The following KDM6B variants were observed in gnomAD, a reference collection of about 807,000 sequenced individuals.
The protein encoded by KDM6B is lysine demethylase 6B.
In KDM6B, 22 loss-of-function variants were observed where a neutral mutation model predicts 150.4. The observed-to-expected ratio is 0.15, with a 90% CI of 0.10 to 0.21. The LOEUF is 0.21. Among genes scored for constraint, KDM6B ranks in the 10% least tolerant of loss-of-function variants. The probability of loss-of-function intolerance (pLI) is 1.00; values close to 1 mark genes in which losing one functional copy is unlikely to be tolerated. For synonymous variants in KDM6B, 1,148 were observed against 921.1 expected, an observed-to-expected ratio of 1.25 and a Z score of -4.46; for missense variants, 1,984 against 2,234.3, an observed-to-expected ratio of 0.89 and a Z score of 2.26.
intron 1 of KDM6B, among the ~76,000 whole-genome samples, chr17:7,836,339 T>TC (rs1443186779): frequency 1.3e-5 from 2 of 152,208 alleles, no homozygotes; most frequent in East Asian, 3.8e-4. Flanking sequence ...TCTCCACTCG[T>TC]CCTTCTTCGC....
chr17:7,836,031 G>T (rs1299008755), intron 1 of KDM6B, among the ~76,000 whole-genome samples: 23 of 152,212 alleles, frequency 1.5e-4, no homozygotes, highest in Admixed American at 1.5e-3. Flanking sequence ...CCATCTGCTC[G>T]GCCGCTGCCT....
rs1490755437 is a variant in KDM6B at position 7,848,431 on chromosome 17, C to T, written c.2143C>T (p.His715Tyr). 2 of 1,613,122 alleles carry T rather than the reference C, an allele frequency of 1.2e-6. No individual in the cohort carries two copies. The highest frequency in any genetic ancestry group is 8.5e-7 in the Non-Finnish European group (1 of 1,180,010). ...SIRKEEEQQQ[H>Y]EAGVAPQPPL... ...TCGCAAGGAAGAGGAACAGCAACAA[C>T]ACGAAGCAGGCGTGGCCCCCCAACC... The change falls in exon 12 of 24, where the codon CAC becomes TAC. Residue 715 changes from histidine to tyrosine, a missense_variant. His to Tyr is a moderately conservative substitution (Grantham distance 83). Around this residue, in one of 13 missense-constraint regions of KDM6B, gnomAD observed 1,379 missense variants for 1,275.6 expected, o/e 1.08. Transcript: ENST00000448097.
chr17:7,838,004 T>C (rs1446916631), intron 1 of KDM6B, among the ~76,000 whole-genome samples: 1 of 150,838 alleles, frequency 6.6e-6, no homozygotes. Flanking sequence ...TTTAGGATTA[T>C]TTTTTTTTCT....
chr17:7,835,475 C>CAGCGTTAGGGGGTTAG, intron 1 of KDM6B, among the ~76,000 whole-genome samples: 1 of 151,870 alleles, frequency 6.6e-6, no homozygotes, highest in African/African-American at 2.4e-5. Flanking sequence ...GGTTAGGGAC[C>CAGCGTTAGGGGGTTAG]GAGGCGCAGC....
In KDM6B at chr17:7,848,641, C is replaced by G; in HGVS notation, c.2353C>G (p.Pro785Ala). The G allele has an allele frequency of 6.2e-7, 1 of 1,601,756 alleles. No individual in the cohort carries two copies. The highest frequency in any genetic ancestry group is 2.3e-5 in the East Asian group (1 of 44,114). Residue 785 changes from proline to alanine, a missense_variant, in exon 12 of 24, where the codon CCT becomes GCT. By Grantham distance (27) the Pro-to-Ala change is conservative (BLOSUM62 -1). This residue lies in a region of KDM6B where 1,379 missense variants were observed against 1,275.6 expected (regional missense o/e 1.08). Transcript: ENST00000448097. The part of the protein sequence containing the change: ...LPPPPPLAKF[P>A]PPSQPQPPPP... ...ACCACCACCGCCTCTAGCCAAGTTC[C>G]CTCCACCCTCTCAGCCACAGCCACC...
chr17:7,845,722 A>C, intron 5 of KDM6B, 31 bp downstream of exon 5: 1 of 1,613,932 alleles, frequency 6.2e-7, no homozygotes, highest in Non-Finnish European at 8.5e-7. Context: ...GTCTCCAGGC[A>C]CACCTCTTTC....
chr17:7,853,681 C>CT lies in KDM6B; in HGVS notation c.*175dup, dbSNP rs35202212. The CT allele has an allele frequency of 0.53, 167,923 of 319,684 alleles. 30,934 individuals are homozygous for CT. The highest frequency in any genetic ancestry group is 0.57 in the Admixed American group (11,071 of 19,396). 19.8% of individuals were successfully genotyped at this position (319,684 alleles called of 1,614,324 possible). On this transcript the variant is annotated 3_prime_UTR_variant, in exon 24 of 24. Transcript: ENST00000448097. ...CCCTCACTTAATTTATTAAGAAAAA[C>CT]TTTTTTTTTTTTTTTAGCAAATATG...
In KDM6B at chr17:7,847,526, A is replaced by G. The variant is rs1334454289; in HGVS notation, c.1258-20A>G. The G allele has an allele frequency of 6.2e-7, 1 of 1,612,642 alleles. No individual in the cohort carries two copies. Among genetic ancestry groups the G allele is most frequent in the East Asian group, 2.2e-5 (1 of 44,824 alleles). On this transcript the variant is annotated intron_variant, in intron 11 of 23. Transcript: ENST00000448097. ...AGGCAGCCCGAGCAATGCTCCTACC[A>G]CCTGCTTCTACACTTGCAGCCCGGC...
chr17:7,849,211 C>G lies in KDM6B; in HGVS notation c.2923C>G (p.Arg975Gly), dbSNP rs2078638223. ...GGCAGTGTCAGGCAGCTGTAAGCGG[C>G]GACAGAAGGAGCATCAGAAGGAGCA... ...VAAVSGSCKR[R>G]QKEHQKEHRR... is the part of the protein sequence containing the mutation. Residue 975 changes from arginine (R) to glycine (G), a missense_variant, in exon 12 of 24, where the codon CGA (arginine) becomes GGA (glycine). Arg to Gly is a moderately radical substitution (Grantham distance 125). This residue lies in a region of KDM6B where 1,379 missense variants were observed against 1,275.6 expected (regional missense o/e 1.08). Transcript: ENST00000448097. 1 of 1,595,576 alleles carries G rather than the reference C, an allele frequency of 6.3e-7. No homozygotes were observed. Among genetic ancestry groups the G allele is most frequent in the South Asian group, 1.1e-5 (1 of 89,308 alleles).
In KDM6B at chr17:7,843,528, TTTCA is replaced by T. The variant is rs937093187; in HGVS notation, c.-268-1372_-268-1369del. ...TTGCCCCTTCGGGAAGGAAGGCTCTTTTCACCAGAAACCCGTCTGCCCTTGTGGG... is the reference window on the plus strand; with the variant it reads ...TTGCCCCTTCGGGAAGGAAGGCTCTTCCAGAAACCCGTCTGCCCTTGTGGG... On this transcript the variant is annotated intron_variant, in intron 2 of 23. Coordinates refer to ENST00000448097, the MANE Select transcript of KDM6B (RefSeq NM_001348716.2). The surrounding 1 kb of genome is among the most constrained non-coding windows in gnomAD (Gnocchi z 4.5). 6.6e-6 allele frequency among the ~76,000 whole-genome samples: 1 copy of T among 152,154 alleles called. No homozygotes were observed.
intron 14 of KDM6B, among the ~76,000 whole-genome samples, chr17:7,850,648 A>G (rs530846239): frequency 5.9e-5 from 9 of 151,860 alleles, no homozygotes; most frequent in African/African-American, 1.5e-4. Context: ...ATTGGATCCA[A>G]TGGTAACTCA....
chr17:7,844,847 T>G lies in KDM6B; in HGVS notation c.-268-54T>G, dbSNP rs1392953809. 1 of 157,436 alleles carries G rather than the reference T, an allele frequency of 6.4e-6. No homozygotes were observed. The highest frequency in any genetic ancestry group is 6.1e-5 in the Admixed American group (1 of 16,432). The allele number at this position is 157,436 out of a possible 1,614,324, so 9.8% of individuals were successfully genotyped here. ...CTCGTCTGACCGGCTCCCGCGCCCC[T>G]CCTCCCCCGGCCACCGCTGCCGGGC... On this transcript the variant is annotated intron_variant, in intron 2 of 23. Transcript: ENST00000448097. This position sits in a 1 kb window ranked among gnomAD's most constrained non-coding sequence, Gnocchi z 5.9.
chr17:7,836,469 G>A (rs1395905624), intron 1 of KDM6B, among the ~76,000 whole-genome samples: 1 of 152,174 alleles, frequency 6.6e-6, no homozygotes, highest in South Asian at 2.1e-4. Context: ...TCCGGCTGGC[G>A]GCCGGCTGGG....
intron 1 of KDM6B, among the ~76,000 whole-genome samples, chr17:7,837,696 C>G (rs992122668): frequency 1.3e-5 from 2 of 152,264 alleles, no homozygotes; most frequent in Non-Finnish European, 2.9e-5. Context: ...TTGAAGGCCG[C>G]TGGGAGGAAA....
rs369388704 is a variant in KDM6B at position 7,848,598 on chromosome 17, G to A, written c.2310G>A (p.Lys770=). The A allele has an allele frequency of 8.2e-6, 13 of 1,594,796 alleles. No individual in the cohort carries two copies. The highest frequency in any genetic ancestry group is 1.1e-5 in the South Asian group (1 of 89,888). The change falls in exon 12 of 24, where the codon AAG becomes AAA. Residue 770 remains lysine (K), a synonymous_variant. Transcript: ENST00000448097. The part of the protein sequence containing the change: ...TTTATQEEEK[K]PPPALPPPPP... ...CGGCCACCCAGGAAGAGGAGAAGAA[G>A]CCACCACCAGCCCTACCACCACCAC...
Position 7,853,362 on chromosome 17 carries a change from C to T in KDM6B, c.4890C>T (p.Ala1630=). 1 of 1,557,066 alleles carries T rather than the reference C, an allele frequency of 6.4e-7. No homozygotes were observed. The change falls in exon 23 of 24, where the codon GCC becomes GCT. Residue 1630 remains alanine, a synonymous_variant. Coordinates refer to ENST00000448097, the MANE Select transcript of KDM6B (RefSeq NM_001348716.2). ...ACCGCACTGAGGAGCTGGCTCAGGC[C>T]TACGACGCCTTCACGCTGGTGAGGG... ...EQYRTEELAQ[A]YDAFTLAPAS...
At chr17:7,851,293 T>C (rs746062268) in intron 15 of KDM6B, 37 bp from the exon 16 acceptor site, 3 of 1,613,400 alleles carry the variant, frequency 1.9e-6, no homozygotes, top group Middle Eastern at 1.7e-4. Flanking sequence ...TCTCGAAAGG[T>C]CTCTGACCCA....
Position 7,853,408 on chromosome 17 carries a change from CGGA to C in KDM6B, c.4908+34_4908+36del, listed in dbSNP as rs978803267. On this transcript the variant is annotated intron_variant, in intron 23 of 23. Transcript: ENST00000448097. ...GAGGGCCCGGCGGGCGCGCGGGCAG[CGGA>C]GGAGGGCACTGGGGCAGGCTGCAGG... 13 of 1,533,760 alleles carry C rather than the reference CGGA, an allele frequency of 8.5e-6. No homozygotes were observed. The highest frequency in any genetic ancestry group is 1.0e-5 in the Non-Finnish European group (12 of 1,145,732).
At position 7,846,829 on chromosome 17, in the gene KDM6B, C is replaced by A. The variant is rs771013957; in HGVS notation, c.722C>A (p.Pro241His). 24 of 1,612,400 alleles carry A rather than the reference C, an allele frequency of 1.5e-5. No homozygotes were observed. The highest frequency in any genetic ancestry group is 1.7e-6 in the Non-Finnish European group (2 of 1,179,790). The part of the protein sequence containing the change: ...RGCNSEQTGL[P>H]PGLPLPPPPL... ...TCTCTTCTCTCCTAGACTGGCCTTCCCCCAGGGCTGCCACTGCCTCCACCA... is the reference window on the plus strand; with the variant it reads ...TCTCTTCTCTCCTAGACTGGCCTTCACCCAGGGCTGCCACTGCCTCCACCA... Residue 241 changes from proline to histidine, a missense_variant, in exon 10 of 24, where the codon CCC becomes CAC. Pro to His is a moderately conservative substitution (Grantham distance 77, BLOSUM62 -2). Around this residue, in one of 13 missense-constraint regions of KDM6B, gnomAD observed 337 missense variants for 323.9 expected, o/e 1.04. Coordinates refer to ENST00000448097, the MANE Select transcript of KDM6B (RefSeq NM_001348716.2).
Sources: gnomAD v4.1 joint callset for allele counts (sites outside exome capture counted in the v4.1 genomes callset) on GRCh38, gnomAD v4.1.1 for gene constraint, gnomAD v4.1.1 regional missense constraint, Gnocchi (gnomAD v3.1) non-coding constraint, MANE v1.5 for transcripts, NCBI Gene and HGNC (gene_info 2026-07-23, HGNC 2026-07-21) for gene names.